Variants in KIF18A observed in about 807,000 individuals in gnomAD.
The protein encoded by KIF18A is kinesin-like protein KIF18A.
Under a neutral mutation model 103.3 loss-of-function variants are expected in KIF18A, and 67 were observed. The ratio of observed to expected loss-of-function variants is 0.65; its 90% CI spans 0.53 to 0.79. The LOEUF is 0.79. Among genes scored for constraint, KIF18A ranks in the 30% least tolerant of loss-of-function variants. The pLI, the probability that KIF18A is intolerant of heterozygous loss-of-function variation, is 0.00. For missense variants in KIF18A, 1,032 were observed against 1,062.5 expected (o/e 0.97, Z 0.40); for synonymous variants, 367 against 355.5 (o/e 1.03, Z -0.36).
At chr11:28,088,742 GA>G (rs760026629) in intron 5 of KIF18A, 21 bp from the exon 6 acceptor site, 1 of 1,573,406 alleles carries the variant, frequency 6.4e-7, no homozygotes, top group Non-Finnish European at 8.7e-7. Context: ...TTACAAAATA[GA>G]AAAAAATGAG....
intron 5 of KIF18A, 45 bp downstream of exon 5, chr11:28,090,572 T>G: frequency 9.4e-7 from 1 of 1,069,106 alleles, no homozygotes; most frequent in South Asian, 1.4e-5. Context: ...TAGCTTCATT[T>G]ATTTTAAATC....
At chr11:28,031,764 G>A (rs1420499130) in intron 15 of KIF18A, among the ~76,000 whole-genome samples, 1 of 151,628 alleles carries the variant, frequency 6.6e-6, no homozygotes, top group Non-Finnish European at 1.5e-5. Context: ...ACCCACAGCT[G>A]GTACTATCCT....
In KIF18A at chr11:28,073,842, G is replaced by A. The variant is rs573219000; in HGVS notation, c.1425+3165C>T. Among the ~76,000 whole-genome samples the A allele has an allele frequency of 1.4e-3, 212 of 152,242 alleles. 1 individual carries two copies. The highest frequency in any genetic ancestry group is 4.9e-3 in the African/African-American group (204 of 41,552). On this transcript the variant is annotated intron_variant, in intron 10 of 16. Transcript: ENST00000263181. ...TGTGTCAAGCACAAGGGTTTTACAT[G>A]TAAACAAGTGTTCAATAAGAGTTTC...
chr11:28,033,622 C>T (rs1277253489), intron 15 of KIF18A, among the ~76,000 whole-genome samples: 4 of 151,608 alleles, frequency 2.6e-5, no homozygotes, highest in Non-Finnish European at 5.9e-5. Flanking sequence ...GAAAGATAAG[C>T]TTGGCATGTT....
chr11:28,088,595 C>A lies in KIF18A; in HGVS notation c.826G>T (p.Val276Leu). ...STSGAKGTRF[V>L]EGTNINRSLL... ...GATCTATTAATATTTGTGCCTTCTACAAATCGGGTCCCCTTAGCACCGGAA... is the reference window on the plus strand; with the variant it reads ...GATCTATTAATATTTGTGCCTTCTAAAAATCGGGTCCCCTTAGCACCGGAA... The change falls in exon 6 of 17, where the codon GTA becomes TTA. Residue 276 changes from valine (V) to leucine (L), a missense_variant. Coordinates refer to ENST00000263181, the MANE Select transcript of KIF18A (RefSeq NM_031217.4). 1 of 1,614,012 alleles carries A rather than the reference C, an allele frequency of 6.2e-7. No individual in the cohort carries two copies. The highest frequency in any genetic ancestry group is 8.5e-7 in the Non-Finnish European group (1 of 1,179,950).
In KIF18A at chr11:28,023,852, T is replaced by C; in HGVS notation, c.2505-2A>G. ...GTTAACGAACTGTTTGATGTAGAAC[T>C]TGAGAGGAAAAGTTTTTAATTTAGT... On this transcript the variant is annotated splice_acceptor_variant, in intron 15 of 16. Transcript: ENST00000263181. LOFTEE classifies it high-confidence loss of function. 3.8e-6 allele frequency: 6 copies of C among 1,586,556 alleles called. No homozygotes were observed. Among genetic ancestry groups the C allele is most frequent in the Non-Finnish European group, 5.2e-6 (6 of 1,159,926 alleles).
At chr11:28,094,918 T>C (rs1289238123) in intron 2 of KIF18A, 118 bp from the exon 3 acceptor site, 4 of 935,458 alleles carry the variant, frequency 4.3e-6, no homozygotes, top group African/African-American at 3.4e-5. Flanking sequence ...ACCCTACAAA[T>C]CCAAAATTAT....
chr11:28,037,321 A>G (rs752278460), intron 13 of KIF18A, among the ~76,000 whole-genome samples: 26 of 151,542 alleles, frequency 1.7e-4, no homozygotes, highest in Non-Finnish European at 3.3e-4. Context: ...CAGATTCTGC[A>G]TCTGTGGATT....
intron 8 of KIF18A, 85 bp downstream of exon 8, chr11:28,083,084 T>C: frequency 3.3e-6 from 5 of 1,498,840 alleles, no homozygotes; most frequent in Non-Finnish European, 1.8e-6. Context: ...TAGAAAAATA[T>C]GTTAAATTTT....
At position 28,062,469 on chromosome 11, in the gene KIF18A, T is replaced by C. The variant is rs1284574395; in HGVS notation, c.1638A>G (p.Lys546=). The C allele has an allele frequency of 6.2e-7, 1 of 1,611,956 alleles. No homozygotes were observed. Among genetic ancestry groups the C allele is most frequent in the Admixed American group, 1.7e-5 (1 of 59,876 alleles). The stretch of plus-strand genomic sequence containing the variant: ...TATGTCTAATTTGTGCTTTCAAATC[T>C]TTGTTCTGGAGGTGCAAATGGTGAC... The part of the protein sequence containing the change: ...LHCHHLHLQN[K]DLKAQIRHMM... Residue 546 remains lysine, a synonymous_variant, in exon 12 of 17, where the codon AAA becomes AAG. Transcript: ENST00000263181.
intron 13 of KIF18A, among the ~76,000 whole-genome samples, chr11:28,040,801 G>A (rs1175304121): frequency 1.3e-5 from 2 of 151,678 alleles, no homozygotes; most frequent in Admixed American, 1.3e-4. Flanking sequence ...GAGTAATTTT[G>A]CTATTTCCAC....
At chr11:28,021,373 A>G (rs564713660) in intron 16 of KIF18A, 91 bp from the exon 17 acceptor site, 2 of 1,079,582 alleles carry the variant, frequency 1.9e-6, no homozygotes, top group East Asian at 3.5e-5. Flanking sequence ...TGACCATAGA[A>G]AGAAAAATTT....
At chr11:28,061,185 T>C (rs1850852248) in intron 12 of KIF18A, among the ~76,000 whole-genome samples, 1 of 152,194 alleles carries the variant, frequency 6.6e-6, no homozygotes, top group Non-Finnish European at 1.5e-5. Flanking sequence ...AAAAACTTTA[T>C]ATGAAATGTA....
chr11:28,024,361 T>C (rs1850286206), intron 15 of KIF18A, among the ~76,000 whole-genome samples: 1 of 152,088 alleles, frequency 6.6e-6, no homozygotes, highest in Non-Finnish European at 1.5e-5. Flanking sequence ...ATAAAAAGAA[T>C]GACCTGTTTT....
intron 13 of KIF18A, among the ~76,000 whole-genome samples, chr11:28,050,910 T>G (rs1014578222): frequency 6.6e-6 from 1 of 151,850 alleles, no homozygotes; most frequent in Non-Finnish European, 1.5e-5. Flanking sequence ...ATAATTAAAA[T>G]TCATAAAATT....
Position 28,083,228 on chromosome 11 carries a change from G to C in KIF18A, c.1090C>G (p.Leu364Val). The C allele has an allele frequency of 6.4e-7, 1 of 1,555,386 alleles. No individual in the cohort carries two copies. ...DIKSSLKSNV[L>V]NVNNHITQYV... is the part of the protein sequence containing the mutation. ...TGAGTTATATGATTATTGACATTAA[G>C]AACATTGCTCTTCAACTGTTGAAAG... Residue 364 changes from leucine (L) to valine (V), a missense_variant, in exon 8 of 17, where the codon CTT becomes GTT. Leu to Val is a conservative substitution (Grantham distance 32, BLOSUM62 1). Coordinates refer to ENST00000263181, the MANE Select transcript of KIF18A (RefSeq NM_031217.4).
intron 11 of KIF18A, 148 bp downstream of exon 11, chr11:28,069,111 A>C (rs887139751): frequency 3.1e-6 from 2 of 651,152 alleles, no homozygotes; most frequent in Admixed American, 3.2e-5. Flanking sequence ...GCAATCACTT[A>C]GAAATAACAT....
intron 11 of KIF18A, 36 bp from the exon 12 acceptor site, chr11:28,062,552 T>C: frequency 1.3e-6 from 2 of 1,512,434 alleles, no homozygotes; most frequent in East Asian, 4.7e-5. Flanking sequence ...TTCAGATCAC[T>C]CTAAGAATAT....
chr11:28,059,181 AGAAAG>A lies in KIF18A; in HGVS notation c.1713-25_1713-21del, dbSNP rs1317762647. The A allele has an allele frequency of 6.6e-7, 1 of 1,507,004 alleles. No individual in the cohort carries two copies. The highest frequency in any genetic ancestry group is 9.2e-7 in the Non-Finnish European group (1 of 1,086,982). 93.4% of individuals were successfully genotyped at this position (1,507,004 alleles called of 1,614,324 possible). A position where few individuals can be genotyped will look rare whatever the true frequency, so the allele number is the denominator to read the frequency against. On this transcript the variant is annotated intron_variant, in intron 12 of 16. Transcript: ENST00000263181. ...AATACTCTATATACAGAAGATGAGA[AGAAAG>A]GAGAGATAAATATGACATTTTAAAC...
Sources: gnomAD v4.1 joint callset for allele counts (sites outside exome capture counted in the v4.1 genomes callset) on GRCh38, gnomAD v4.1.1 for gene constraint, MANE v1.5 for transcripts, NCBI Gene and HGNC (gene_info 2026-07-23, HGNC 2026-07-21) for gene names.